The following PTPRE variants were observed in gnomAD, a reference collection of about 807,000 sequenced individuals.
The protein encoded by PTPRE is receptor-type tyrosine-protein phosphatase epsilon.
Under a neutral mutation model 102.0 loss-of-function variants are expected in PTPRE, and 51 were observed. That is an observed-to-expected ratio of 0.50 (90% CI 0.40 to 0.63). The LOEUF is 0.63. Among genes scored for constraint, PTPRE ranks in the 30% least tolerant of loss-of-function variants. The pLI, the probability that PTPRE is intolerant of heterozygous loss-of-function variation, is 0.00. For missense variants in PTPRE, 752 were observed against 915.1 expected, an observed-to-expected ratio of 0.82 and a Z score of 2.30; for synonymous variants, 345 against 348.2, an observed-to-expected ratio of 0.99 and a Z score of 0.10.
At chr10:128,068,335 G>A (rs1850463510) in intron 12 of PTPRE, 49 bp downstream of exon 12, 1 of 1,564,266 alleles carries the variant, frequency 6.4e-7, no homozygotes. Context: ...AGGCCACAGT[G>A]GGATGACTCA....
chr10:127,989,963 C>T (rs1167847150), intron 2 of PTPRE, among the ~76,000 whole-genome samples: 1 of 152,170 alleles, frequency 6.6e-6, no homozygotes, highest in Non-Finnish European at 1.5e-5. Context: ...TCAGGTATCT[C>T]TTGCAAGCTT....
intron 1 of PTPRE, among the ~76,000 whole-genome samples, chr10:127,954,770 G>T (rs1849279004): frequency 6.6e-6 from 1 of 151,908 alleles, no homozygotes; most frequent in Non-Finnish European, 1.5e-5. Flanking sequence ...GGATTCACAG[G>T]TCCAGGAATC....
At chr10:127,930,892 A>G (rs1214475219) in intron 1 of PTPRE, among the ~76,000 whole-genome samples, 1 of 151,256 alleles carries the variant, frequency 6.6e-6, no homozygotes, top group Non-Finnish European at 1.5e-5. Context: ...TCCCGGATTC[A>G]AGCGATTCTC....
At chr10:127,942,649 C>T (rs1187348528) in intron 1 of PTPRE, among the ~76,000 whole-genome samples, 1 of 152,166 alleles carries the variant, frequency 6.6e-6, no homozygotes, top group Non-Finnish European at 1.5e-5. Flanking sequence ...ATTCCACTCA[C>T]ATGAGGTCCC....
chr10:127,954,619 G>A (rs1849269211), intron 1 of PTPRE, among the ~76,000 whole-genome samples: 1 of 152,190 alleles, frequency 6.6e-6, no homozygotes. Context: ...CAGTTTGGTA[G>A]AACAGTGAAA....
chr10:127,991,797 C>CTTTATTAGATTAA (rs1279325576), intron 2 of PTPRE, among the ~76,000 whole-genome samples: 21 of 152,166 alleles, frequency 1.4e-4, no homozygotes, highest in Non-Finnish European at 2.5e-4. Context: ...ATCTGGCAAT[C>CTTTATTAGATTAA]CTTTCTGATC....
intron 1 of PTPRE, among the ~76,000 whole-genome samples, chr10:127,964,562 A>ATT (rs11317491): frequency 0.034 from 4,862 of 144,990 alleles, 285 homozygotes; most frequent in African/African-American, 0.11. Context: ...TCTTAGTTCC[A>ATT]TTTTTTTTTT....
intron 5 of PTPRE, among the ~76,000 whole-genome samples, chr10:128,048,288 A>G (rs1414965984): frequency 6.6e-6 from 1 of 152,182 alleles, no homozygotes; most frequent in Non-Finnish European, 1.5e-5. Context: ...AGCATTTCCA[A>G]CTTTTCCATC....
At position 127,907,586 on chromosome 10, in the gene PTPRE, C is replaced by G. The variant is rs1845568666; in HGVS notation, c.-31+277C>G. ...CAGTGGCAGTGCTCACGCTCCCTCT[C>G]GGTAAACAGGAGGAGGGCGCGCGTG... On this transcript the variant is annotated intron_variant, in intron 1 of 20. Transcript: ENST00000254667. This position sits in a 1 kb window ranked among gnomAD's most constrained non-coding sequence, Gnocchi z 4.8. Among the ~76,000 whole-genome samples the G allele has an allele frequency of 6.6e-6, 1 of 152,072 alleles. No individual in the cohort carries two copies.
At chr10:128,075,917 G>A (rs939530257) in intron 17 of PTPRE, among the ~76,000 whole-genome samples, 1 of 152,084 alleles carries the variant, frequency 6.6e-6, no homozygotes, top group Admixed American at 6.5e-5. Flanking sequence ...ATTTATAGGA[G>A]CTCTTTACGT....
chr10:128,035,300 A>AC (rs1847122676), intron 2 of PTPRE, among the ~76,000 whole-genome samples: 1 of 144,872 alleles, frequency 6.9e-6, no homozygotes, highest in Non-Finnish European at 1.5e-5. Flanking sequence ...CACACACACA[A>AC]AATATGTTAT....
chr10:128,073,416 G>A lies in PTPRE; in HGVS notation c.1544G>A (p.Trp515Ter). 1 of 1,614,190 alleles carries A rather than the reference G, an allele frequency of 6.2e-7. No individual in the cohort carries two copies. The highest frequency in any genetic ancestry group is 1.1e-5 in the South Asian group (1 of 91,086). The part of the protein sequence containing the change: ...HTVEDFWRMI[W>*]EWKSHTIVML... ...GTTGAGGACTTCTGGAGGATGATCT[G>A]GGAATGGAAATCCCACACTATCGTG... The change falls in exon 17 of 21, where the codon TGG becomes TAG. Residue 515 changes from tryptophan (W) to a stop codon, truncating the protein, a stop_gained. Transcript: ENST00000254667. LOFTEE classifies it high-confidence loss of function.
chr10:128,040,911 G>A lies in PTPRE; in HGVS notation c.30G>A (p.Val10=), dbSNP rs762196023. 9 of 1,614,056 alleles carry A rather than the reference G, an allele frequency of 5.6e-6. No individual in the cohort carries two copies. The highest frequency in any genetic ancestry group is 5.9e-6 in the Non-Finnish European group (7 of 1,179,992). The stretch of plus-strand genomic sequence containing the variant: ...AGCCCTTGTGTCCACTCCTGCTGGT[G>A]GGTTTTAGCTTGCCGCTCGCCAGGG... MEPLCPLLL[V]GFSLPLARAL... The change falls in exon 3 of 21, where the codon GTG becomes GTA. Residue 10 remains valine, a synonymous_variant. Coordinates refer to ENST00000254667, the MANE Select transcript of PTPRE (RefSeq NM_006504.6).
intron 1 of PTPRE, among the ~76,000 whole-genome samples, chr10:127,960,154 C>A (rs1393561487): frequency 1.3e-5 from 2 of 152,078 alleles, no homozygotes; most frequent in African/African-American, 4.8e-5. Flanking sequence ...ATGCGGGTGC[C>A]CCAGGGACTC....
At chr10:128,060,040 A>G (rs866128800) in intron 7 of PTPRE, among the ~76,000 whole-genome samples, 1 of 149,780 alleles carries the variant, frequency 6.7e-6, no homozygotes, top group Non-Finnish European at 1.5e-5. Flanking sequence ...AACATATCAC[A>G]CACATACCAC....
chr10:127,946,706 G>A (rs1037682248), intron 1 of PTPRE, among the ~76,000 whole-genome samples: 1 of 152,234 alleles, frequency 6.6e-6, no homozygotes, highest in African/African-American at 2.4e-5. Flanking sequence ...TAGAGTGAAA[G>A]TGGGTACAGA....
At chr10:127,964,754 A>G (rs1470033968) in intron 1 of PTPRE, 1 of 238,736 alleles carries the variant, frequency 4.2e-6, no homozygotes, top group Non-Finnish European at 8.5e-6. Context: ...TGGGGAATAC[A>G]AACTCTGTTT....
intron 2 of PTPRE, among the ~76,000 whole-genome samples, chr10:127,994,543 C>T (rs1046036688): frequency 3.3e-5 from 5 of 152,172 alleles, no homozygotes; most frequent in African/African-American, 1.2e-4. Flanking sequence ...ATTTTAGGTG[C>T]ATGAATGAAT....
At chr10:128,011,107 C>T (rs1589998598) in intron 2 of PTPRE, among the ~76,000 whole-genome samples, 2 of 152,158 alleles carry the variant, frequency 1.3e-5, no homozygotes, top group African/African-American at 2.4e-5. Context: ...ATTTCCTGAA[C>T]ATGGCATGCG....
Sources: allele counts gnomAD v4.1 joint callset (sites outside exome capture counted in the v4.1 genomes callset), GRCh38; gene constraint gnomAD v4.1.1; non-coding constraint Gnocchi (gnomAD v3.1); transcripts MANE v1.5; gene names NCBI Gene and HGNC (gene_info 2026-07-23, HGNC 2026-07-21).